The following PALM2AKAP2 variants were observed in gnomAD, a reference collection of about 807,000 sequenced individuals.
The protein encoded by PALM2AKAP2 is PALM2 and AKAP2 fusion.
A neutral mutation model predicts 71.5 loss-of-function variants in PALM2AKAP2; 37 were observed. The ratio of observed to expected loss-of-function variants is 0.52; its 90% CI spans 0.40 to 0.68. The LOEUF is 0.68. Among genes scored for constraint, PALM2AKAP2 ranks in the 30% least tolerant of loss-of-function variants. The pLI, the probability that PALM2AKAP2 is intolerant of heterozygous loss-of-function variation, is 0.00. For missense variants in PALM2AKAP2, 1,224 were observed against 1,191.8 expected (o/e 1.03, Z -0.40); for synonymous variants, 468 against 478.8 (o/e 0.98, Z 0.29).
Position 110,010,996 on chromosome 9 carries a change from C to CA in PALM2AKAP2, c.497-4939dup, listed in dbSNP as rs754903953. Among the ~76,000 whole-genome samples, 232 of 54,276 alleles carry CA rather than the reference C, an allele frequency of 4.3e-3. 1 individual carries two copies. The highest frequency in any genetic ancestry group is 0.017 in the Middle Eastern group (1 of 58). The allele number at this position is 54,276 out of a possible 152,430, so 35.6% of individuals were successfully genotyped here. On this transcript the variant is annotated intron_variant, in intron 6 of 9. Transcript: ENST00000302798. ...GGGCAACAAGAGCGAAACTCTGTCT[C>CA]AAAAAAAAAAAAAAAAAAATATATA...
chr9:109,646,045 A>G (rs1386937601), intron 1 of PALM2AKAP2, among the ~76,000 whole-genome samples: 2 of 152,240 alleles, frequency 1.3e-5, no homozygotes, highest in Admixed American at 6.5e-5. Flanking sequence ...GTAATAAACA[A>G]GAAAAGAGGG....
chr9:109,709,683 A>C (rs1828202522), intron 1 of PALM2AKAP2, among the ~76,000 whole-genome samples: 1 of 152,154 alleles, frequency 6.6e-6, no homozygotes, highest in African/African-American at 2.4e-5. Flanking sequence ...GAATAGAAAG[A>C]ATGGGTCAGA....
chr9:109,909,272 A>G (rs75192253), intron 3 of PALM2AKAP2, among the ~76,000 whole-genome samples: 305 of 152,360 alleles, frequency 2.0e-3, no homozygotes, highest in African/African-American at 7.1e-3. Context: ...CCTGCTTCAG[A>G]GAAAGCAAAT....
rs147713726 is a variant in PALM2AKAP2, at chr9:110,121,411, T to C, written c.157-14716T>C. On this transcript the variant is annotated intron_variant, in intron 1 of 3. Transcript: ENST00000374525. Reference sequence around the variant, plus strand: ...GGAAGGGCGGTTGTGAGGCCCAGGCTTCCTTCTCTGTGTGCCTTGAATTGG... The same window carrying C: ...GGAAGGGCGGTTGTGAGGCCCAGGCCTCCTTCTCTGTGTGCCTTGAATTGG... Among the ~76,000 whole-genome samples, 1,285 of 152,294 alleles carry C rather than the reference T, an allele frequency of 8.4e-3. 5 individuals are homozygous for C. The highest frequency in any genetic ancestry group is 0.023 in the South Asian group (110 of 4,824).
intron 1 of PALM2AKAP2, among the ~76,000 whole-genome samples, chr9:109,753,953 C>T (rs557489643): frequency 2.0e-5 from 3 of 152,202 alleles, no homozygotes; most frequent in African/African-American, 7.2e-5. Context: ...AATTTCACTG[C>T]CCCGGTATAA....
At chr9:109,690,833 T>A (rs1471225800) in intron 1 of PALM2AKAP2, among the ~76,000 whole-genome samples, 2 of 152,184 alleles carry the variant, frequency 1.3e-5, no homozygotes, top group Admixed American at 6.5e-5. Flanking sequence ...TGAAACAAGA[T>A]CTCAATTTTA....
chr9:110,134,231 A>G (rs1246256342), intron 1 of PALM2AKAP2, among the ~76,000 whole-genome samples: 1 of 152,038 alleles, frequency 6.6e-6, no homozygotes, highest in East Asian at 1.9e-4. Flanking sequence ...GTGAGCTATG[A>G]TCACATCACT....
chr9:109,696,446 A>ATG (rs1393870386), intron 1 of PALM2AKAP2, among the ~76,000 whole-genome samples: 1 of 152,228 alleles, frequency 6.6e-6, no homozygotes, highest in Admixed American at 6.5e-5. Context: ...TTAGTAGCAT[A>ATG]TGTTTTCAGC....
At chr9:109,714,371 C>T (rs1022530954) in intron 1 of PALM2AKAP2, among the ~76,000 whole-genome samples, 1 of 152,212 alleles carries the variant, frequency 6.6e-6, no homozygotes, top group Admixed American at 6.5e-5. Flanking sequence ...ACTGGGAGCT[C>T]TCATCACTCC....
At chr9:110,007,359 G>A (rs1014753460) in intron 6 of PALM2AKAP2, among the ~76,000 whole-genome samples, 4 of 152,320 alleles carry the variant, frequency 2.6e-5, no homozygotes, top group East Asian at 3.9e-4. Flanking sequence ...TACAGTATGA[G>A]GATGACTGTT....
intron 1 of PALM2AKAP2, among the ~76,000 whole-genome samples, chr9:109,773,694 A>G (rs13295340): frequency 0.51 from 78,128 of 152,108 alleles, 22,576 homozygotes; most frequent in African/African-American, 0.78. Context: ...TGACTTGTAC[A>G]AAGTCACACA....
chr9:109,817,911 G>A (rs1827891929), intron 1 of PALM2AKAP2, among the ~76,000 whole-genome samples: 1 of 152,170 alleles, frequency 6.6e-6, no homozygotes, highest in Non-Finnish European at 1.5e-5. Context: ...GGCAACCAGT[G>A]AGCCTTTTTG....
chr9:110,022,155 T>C, intron 7 of PALM2AKAP2, among the ~76,000 whole-genome samples: 1 of 152,212 alleles, frequency 6.6e-6, no homozygotes, highest in East Asian at 1.9e-4. Flanking sequence ...TTTAGCATTG[T>C]CTTTCACTGT....
chr9:110,091,397 G>A (rs1231656442), intron 1 of PALM2AKAP2, among the ~76,000 whole-genome samples: 2 of 103,852 alleles, frequency 1.9e-5, no homozygotes, highest in African/African-American at 9.1e-5. Context: ...GATCCTTGGT[G>A]GTTGGGGTGT....
intron 6 of PALM2AKAP2, chr9:109,942,888 A>G: frequency 6.2e-7 from 1 of 1,614,224 alleles, no homozygotes; most frequent in Non-Finnish European, 8.5e-7. Context: ...CAAAGGATGT[A>G]GAAGAGCTTA....
At chr9:110,054,060 C>A (rs1833777112) in intron 1 of PALM2AKAP2, among the ~76,000 whole-genome samples, 2 of 152,220 alleles carry the variant, frequency 1.3e-5, no homozygotes, top group South Asian at 4.1e-4. Context: ...TCTGTGAGAT[C>A]TTGGTCTGTC....
chr9:109,840,157 C>G (rs1328960294), intron 1 of PALM2AKAP2, among the ~76,000 whole-genome samples: 1 of 152,096 alleles, frequency 6.6e-6, no homozygotes, highest in Non-Finnish European at 1.5e-5. Flanking sequence ...GGTACTGGTA[C>G]CAAAACAGAG....
At chr9:110,044,609 C>T (rs955145747), upstream of PALM2AKAP2, among the ~76,000 whole-genome samples, 5 of 151,686 alleles carry the variant, frequency 3.3e-5, no homozygotes, top group African/African-American at 1.2e-4. Flanking sequence ...GCTTCGGCCT[C>T]CCAAAGTGTT....
intron 1 of PALM2AKAP2, among the ~76,000 whole-genome samples, chr9:109,848,460 G>T (rs1828922848): frequency 6.6e-6 from 1 of 152,144 alleles, no homozygotes; most frequent in Non-Finnish European, 1.5e-5. Flanking sequence ...TTATCTTTGT[G>T]CCCACTCAGC....
Sources: gnomAD v4.1 joint callset for allele counts (sites outside exome capture counted in the v4.1 genomes callset) on GRCh38, gnomAD v4.1.1 for gene constraint, MANE v1.5 for transcripts, NCBI Gene and HGNC (gene_info 2026-07-23, HGNC 2026-07-21) for gene names.